MSRB3: variants seen among roughly 807,000 people sequenced by gnomAD.
MSRB3 encodes the protein methionine-R-sulfoxide reductase B3.
MSRB3 carries 13 observed loss-of-function variants against 21.0 expected under a neutral mutation model. That is an observed-to-expected ratio of 0.62 (90% CI 0.40 to 0.98). The LOEUF (loss-of-function observed/expected upper bound fraction) is 0.98. MSRB3 is among the 50% of genes least tolerant of loss of function. MSRB3 has a pLI of 0.00. For synonymous variants in MSRB3, 87 were observed against 88.6 expected (o/e 0.98, Z 0.10); for missense variants, 199 against 230.3 (o/e 0.86, Z 0.88).
chr12:65,431,603 T>C (rs1255821586), intron 5 of MSRB3, among the ~76,000 whole-genome samples: 2 of 152,062 alleles, frequency 1.3e-5, no homozygotes, highest in Middle Eastern at 3.2e-3. Context: ...TCTTCTTTTT[T>C]TAAAGTTCTT....
chr12:65,421,840 A>T (rs1032132180), intron 5 of MSRB3, among the ~76,000 whole-genome samples: 1 of 152,232 alleles, frequency 6.6e-6, no homozygotes. Context: ...CATAATAAGC[A>T]GTTAACAACA....
intron 5 of MSRB3, among the ~76,000 whole-genome samples, chr12:65,444,457 T>A (rs1882523550): frequency 6.6e-6 from 1 of 152,244 alleles, no homozygotes; most frequent in Non-Finnish European, 1.5e-5. Context: ...AAGTTTTTTT[T>A]AACATGTCTA....
intron 3 of MSRB3, among the ~76,000 whole-genome samples, chr12:65,327,137 C>T (rs1248331805): frequency 2.0e-5 from 3 of 152,194 alleles, no homozygotes; most frequent in Admixed American, 6.5e-5. Context: ...TTAATGAATA[C>T]TGCATATCTG....
intron 5 of MSRB3, among the ~76,000 whole-genome samples, chr12:65,445,999 A>G (rs1413766245): frequency 6.6e-6 from 1 of 152,170 alleles, no homozygotes; most frequent in Non-Finnish European, 1.5e-5. Context: ...ATAAAGCTGA[A>G]TGAAGCATGG....
chr12:65,318,254 A>G (rs936084351), intron 2 of MSRB3, among the ~76,000 whole-genome samples: 2 of 152,134 alleles, frequency 1.3e-5, no homozygotes, highest in African/African-American at 2.4e-5. Context: ...GGAAATTTGC[A>G]AAGCTGAGTT....
At chr12:65,404,722 C>T (rs1880315803) in intron 5 of MSRB3, among the ~76,000 whole-genome samples, 1 of 152,110 alleles carries the variant, frequency 6.6e-6, no homozygotes, top group Non-Finnish European at 1.5e-5. Context: ...ATGACTAAGT[C>T]AAGCTAATTT....
intron 4 of MSRB3, among the ~76,000 whole-genome samples, chr12:65,359,407 G>T (rs1877576784): frequency 6.6e-6 from 1 of 151,932 alleles, no homozygotes; most frequent in Non-Finnish European, 1.5e-5. Flanking sequence ...ACAACCTAAG[G>T]CAGAAATGAA....
intron 4 of MSRB3, among the ~76,000 whole-genome samples, chr12:65,347,121 G>A (rs1288635420): frequency 5.9e-5 from 9 of 152,198 alleles, no homozygotes; most frequent in Non-Finnish European, 1.2e-4. Context: ...ATTCTGTGAA[G>A]AAAGTCATTG....
At chr12:65,440,856 C>G (rs189376471) in intron 5 of MSRB3, among the ~76,000 whole-genome samples, 64 of 152,022 alleles carry the variant, frequency 4.2e-4, no homozygotes, top group Non-Finnish European at 4.4e-4. Context: ...CCCAGGTTGG[C>G]TCACTTATTT....
At chr12:65,462,328 G>A (rs1322532545) in intron 6 of MSRB3, among the ~76,000 whole-genome samples, 1 of 152,124 alleles carries the variant, frequency 6.6e-6, no homozygotes, top group African/African-American at 2.4e-5. Flanking sequence ...TAGTGTAGGG[G>A]TGTTCACTGA....
intron 1 of MSRB3, among the ~76,000 whole-genome samples, chr12:65,291,302 T>C (rs1202244315): frequency 6.6e-6 from 1 of 151,914 alleles, no homozygotes; most frequent in Non-Finnish European, 1.5e-5. Flanking sequence ...GGCAGGGTGG[T>C]CTTGAACTCC....
chr12:65,380,169 A>G (rs1259957576), intron 5 of MSRB3, among the ~76,000 whole-genome samples: 2 of 152,206 alleles, frequency 1.3e-5, no homozygotes, highest in African/African-American at 4.8e-5. Flanking sequence ...ATGGATAGAT[A>G]TAAATAAAGA....
intron 2 of MSRB3, among the ~76,000 whole-genome samples, chr12:65,323,807 T>C (rs1339137174): frequency 6.6e-6 from 1 of 152,180 alleles, no homozygotes; most frequent in Non-Finnish European, 1.5e-5. Flanking sequence ...TGTTTATATA[T>C]ACCAATATTT....
chr12:65,355,348 G>A (rs965711509), intron 4 of MSRB3, among the ~76,000 whole-genome samples: 18 of 151,856 alleles, frequency 1.2e-4, no homozygotes, highest in African/African-American at 4.1e-4. Flanking sequence ...ACATGTTACT[G>A]CTTCTTACCA....
chr12:65,361,288 G>T (rs892472563), intron 4 of MSRB3, among the ~76,000 whole-genome samples: 2 of 152,060 alleles, frequency 1.3e-5, no homozygotes, highest in African/African-American at 4.8e-5. Flanking sequence ...TATGTTACCT[G>T]TTTTATAGAT....
At chr12:65,319,871 G>A (rs963727012) in intron 2 of MSRB3, among the ~76,000 whole-genome samples, 4 of 152,126 alleles carry the variant, frequency 2.6e-5, no homozygotes, top group African/African-American at 4.8e-5. Flanking sequence ...TGCTGATAGC[G>A]GTGAACTTAT....
In MSRB3 at chr12:65,308,634, C is replaced by T. The variant is rs149258390; in HGVS notation, c.55C>T (p.Arg19Ter). ...LVTKSQPVAL[R>*]ACGLPSGSCR... ...GACAAAGAGCCAGCCAGTAGCCCTT[C>T]GAGCCTGTGGGCTTCCCTCAGGTTG... The change falls in exon 2 of 7, where the codon CGA becomes TGA. Residue 19 changes from arginine (R) to a stop codon, truncating the protein, a stop_gained. Coordinates refer to ENST00000308259, the MANE Select transcript of MSRB3 (RefSeq NM_001031679.3). LOFTEE classifies it high-confidence loss of function. 20 of 1,613,954 alleles carry T rather than the reference C, an allele frequency of 1.2e-5. No homozygotes were observed. The highest frequency in any genetic ancestry group is 6.7e-5 in the African/African-American group (5 of 75,040).
chr12:65,404,557 C>T (rs757277678), intron 5 of MSRB3, among the ~76,000 whole-genome samples: 1 of 152,160 alleles, frequency 6.6e-6, no homozygotes, highest in Admixed American at 6.5e-5. Flanking sequence ...TTACATAGAT[C>T]TGAGTTTCTG....
At chr12:65,354,612 AT>A (rs981045505) in intron 4 of MSRB3, among the ~76,000 whole-genome samples, 2 of 151,750 alleles carry the variant, frequency 1.3e-5, no homozygotes, top group Admixed American at 1.3e-4. Context: ...TGGTTATTCT[AT>A]TTAGCCATTC....
Sources: allele counts gnomAD v4.1 joint callset (sites outside exome capture counted in the v4.1 genomes callset), GRCh38; gene constraint gnomAD v4.1.1; transcripts MANE v1.5; gene names NCBI Gene and HGNC (gene_info 2026-07-23, HGNC 2026-07-21).